Variants in ACKR2 observed in about 807,000 individuals in gnomAD.
ACKR2 encodes C-C chemokine receptor D6.
For missense variants in ACKR2, 457 were observed against 477.3 expected (o/e 0.96, Z 0.40); for synonymous variants, 207 against 192.2 (o/e 1.08, Z -0.64).
intron 2 of ACKR2, among the ~76,000 whole-genome samples, chr3:42,830,181 AG>A (rs1224947853): frequency 2.0e-5 from 3 of 152,182 alleles, no homozygotes; most frequent in East Asian, 1.9e-4. Context: ...GCAATCATAG[AG>A]GGGGTCTTAG....
At chr3:42,858,501 C>A (rs1278915344) in intron 2 of ACKR2, among the ~76,000 whole-genome samples, 1 of 152,150 alleles carries the variant, frequency 6.6e-6, no homozygotes, top group Non-Finnish European at 1.5e-5. Flanking sequence ...GACATCCACA[C>A]AGAAACCCCA....
At chr3:42,829,489 A>G (rs1306045578) in intron 2 of ACKR2, among the ~76,000 whole-genome samples, 2 of 152,138 alleles carry the variant, frequency 1.3e-5, no homozygotes, top group Non-Finnish European at 2.9e-5. Flanking sequence ...ACTTTCCCTA[A>G]TGTTCCTACC....
At chr3:42,814,100 A>C (rs1415817948) in intron 1 of ACKR2, among the ~76,000 whole-genome samples, 2 of 152,262 alleles carry the variant, frequency 1.3e-5, no homozygotes, top group Non-Finnish European at 2.9e-5. Context: ...GGTGATAAAT[A>C]TCTGAAACAT....
At chr3:42,860,473 C>T (rs577657631) in intron 2 of ACKR2, among the ~76,000 whole-genome samples, 1 of 152,256 alleles carries the variant, frequency 6.6e-6, no homozygotes, top group African/African-American at 2.4e-5. Flanking sequence ...ATATTCAGGA[C>T]TTGAACTCAC....
At position 42,847,392 on chromosome 3, in the gene ACKR2, G is replaced by A. The variant is rs553270548; in HGVS notation, c.-37-17074G>A. 1.2e-4 allele frequency among the ~76,000 whole-genome samples: 19 copies of A among 152,226 alleles called. No individual in the cohort carries two copies. The South Asian group carries it at 3.1e-3, about 25-fold the overall frequency. ...AGCATCATTTCCTTCCTTTTGTGCC[G>A]TCAATGGAGCATGTTAGGAAGATCT... On this transcript the variant is annotated intron_variant, in intron 2 of 2. Transcript: ENST00000422265.
intron 1 of ACKR2, among the ~76,000 whole-genome samples, chr3:42,818,671 C>A (rs1485789304): frequency 6.6e-6 from 1 of 152,182 alleles, no homozygotes; most frequent in East Asian, 1.9e-4. Context: ...AAGCAATTCT[C>A]CTGTCTCTGC....
chr3:42,824,162 C>T (rs1033430955), intron 2 of ACKR2, among the ~76,000 whole-genome samples: 6 of 152,142 alleles, frequency 3.9e-5, no homozygotes, highest in African/African-American at 1.4e-4. Context: ...ATCCAAAACA[C>T]TTCTGGTGCC....
At chr3:42,855,556 G>A (rs1046698326) in intron 2 of ACKR2, among the ~76,000 whole-genome samples, 1 of 151,986 alleles carries the variant, frequency 6.6e-6, no homozygotes, top group African/African-American at 2.4e-5. Context: ...TGTTGCCACT[G>A]TTGTTGGCAT....
At chr3:42,821,805 T>C (rs1366212731) in intron 2 of ACKR2, among the ~76,000 whole-genome samples, 1 of 152,022 alleles carries the variant, frequency 6.6e-6, no homozygotes, top group Non-Finnish European at 1.5e-5. Flanking sequence ...CACGCCATTC[T>C]CCTGCCTCAG....
chr3:42,860,164 C>CAAACAAAAAAA (rs2088367376), intron 2 of ACKR2, among the ~76,000 whole-genome samples: 1 of 8,050 alleles, frequency 1.2e-4, no homozygotes, highest in Non-Finnish European at 2.7e-4. Context: ...AAATGGAAAG[C>CAAACAAAAAAA]AAAAAAAAAA....
intron 2 of ACKR2, among the ~76,000 whole-genome samples, chr3:42,836,713 A>G (rs1700990485): frequency 6.6e-6 from 1 of 152,216 alleles, no homozygotes; most frequent in African/African-American, 2.4e-5. Flanking sequence ...AGTTTTAGCC[A>G]AGAAAGGAAA....
chr3:42,822,918 C>T (rs140337225), intron 2 of ACKR2, among the ~76,000 whole-genome samples: 14 of 152,102 alleles, frequency 9.2e-5, no homozygotes, highest in African/African-American at 3.1e-4. Context: ...TTTGCTGTAT[C>T]CACCAGATCT....
intron 2 of ACKR2, among the ~76,000 whole-genome samples, chr3:42,848,028 G>A (rs980598424): frequency 6.6e-5 from 10 of 152,060 alleles, no homozygotes; most frequent in South Asian, 2.1e-4. Context: ...TGACTTAGCC[G>A]TGGGCCACAT....
chr3:42,828,101 TTTTTCTTTTC>T (rs1294166626), intron 2 of ACKR2, among the ~76,000 whole-genome samples: 14 of 144,556 alleles, frequency 9.7e-5, no homozygotes, highest in Non-Finnish European at 1.5e-4. Flanking sequence ...TATTTTTTTT[TTTTTCTTTTC>T]TTTTCTTTTC....
At chr3:42,825,320 A>T (rs1700851406) in intron 2 of ACKR2, among the ~76,000 whole-genome samples, 1 of 152,138 alleles carries the variant, frequency 6.6e-6, no homozygotes, top group Admixed American at 6.5e-5. Flanking sequence ...AACAACCTTT[A>T]GTCTTCCAAT....
intron 2 of ACKR2, among the ~76,000 whole-genome samples, chr3:42,841,948 A>C (rs1312953332): frequency 6.6e-6 from 1 of 152,164 alleles, no homozygotes; most frequent in African/African-American, 2.4e-5. Context: ...ACCTGGCTCC[A>C]TCACTCCCTA....
intron 1 of ACKR2, among the ~76,000 whole-genome samples, chr3:42,809,754 C>T (rs1315952195): frequency 6.6e-6 from 1 of 151,762 alleles, no homozygotes; most frequent in Non-Finnish European, 1.5e-5. Context: ...CTCAGCTACT[C>T]AGGAGGCTAA....
chr3:42,814,431 C>A (rs950138897), intron 1 of ACKR2, among the ~76,000 whole-genome samples: 1 of 152,190 alleles, frequency 6.6e-6, no homozygotes, highest in African/African-American at 2.4e-5. Context: ...TGTGACTTTT[C>A]ATGCTGCAAA....
In ACKR2 at chr3:42,865,596, T is replaced by C. The variant is rs777273233; in HGVS notation, c.1094T>C (p.Leu365Pro). ...GAGGAAATGACTGGCATGAATGACC[T>C]TGGAGAGAGGCAGTCTGAGAACTAC... Reference protein sequence around the residue: ...AQEEMTGMNDLGERQSENYPN... With the variant: ...AQEEMTGMNDPGERQSENYPN... Residue 365 changes from leucine (L) to proline (P), a missense_variant, in exon 3 of 3, where the codon CTT becomes CCT. Leu to Pro is a moderately conservative substitution (Grantham distance 98). Coordinates refer to ENST00000422265, the MANE Select transcript of ACKR2 (RefSeq NM_001296.5). The C allele has an allele frequency of 8.1e-6, 13 of 1,613,986 alleles. No individual in the cohort carries two copies. Among genetic ancestry groups the C allele is most frequent in the Non-Finnish European group, 1.1e-5 (13 of 1,180,008 alleles).
Sources: gnomAD v4.1 joint callset for allele counts (sites outside exome capture counted in the v4.1 genomes callset) on GRCh38, gnomAD v4.1.1 for gene constraint, MANE v1.5 for transcripts, NCBI Gene and HGNC (gene_info 2026-07-23, HGNC 2026-07-21) for gene names.